The following SYNE1 variants were observed in gnomAD, a reference collection of about 807,000 sequenced individuals.
SYNE1 encodes spectrin repeat containing nuclear envelope protein 1.
Under a neutral mutation model 1,111.0 loss-of-function variants are expected in SYNE1, and 616 were observed. That is an observed-to-expected ratio of 0.55 (90% CI 0.52 to 0.59). The LOEUF (loss-of-function observed/expected upper bound fraction) is 0.59, where lower values mean the gene tolerates loss of function less well. Among genes scored for constraint, SYNE1 ranks in the 20% least tolerant of loss-of-function variants. The probability of loss-of-function intolerance (pLI) is 0.00; values close to 1 mark genes in which losing one functional copy is unlikely to be tolerated. For synonymous variants in SYNE1, 3,855 were observed against 3,825.8 expected (o/e 1.01, Z -0.28); for missense variants, 10,006 against 10,417.0 (o/e 0.96, Z 1.72).
At chr6:152,366,669 C>T (rs1208803228) in intron 62 of SYNE1, among the ~76,000 whole-genome samples, 3 of 152,144 alleles carry the variant, frequency 2.0e-5, no homozygotes, top group Non-Finnish European at 4.4e-5. Context: ...TATATTTCGA[C>T]CTCCAACTTC....
intron 4 of SYNE1, among the ~76,000 whole-genome samples, chr6:152,529,657 G>A (rs76377890): frequency 6.6e-6 from 1 of 152,166 alleles, no homozygotes; most frequent in Admixed American, 6.5e-5. Context: ...AAAGCAAAAA[G>A]ACACATGTAG....
Position 152,407,463 on chromosome 6 carries a change from T to C in SYNE1, c.6541-267A>G, listed in dbSNP as rs554460914. 2.6e-5 allele frequency among the ~76,000 whole-genome samples: 4 copies of C among 152,300 alleles called. No homozygotes were observed. In the South Asian group the frequency reaches 8.3e-4, roughly 32 times the overall value. On this transcript the variant is annotated intron_variant, in intron 44 of 145. Coordinates refer to ENST00000367255, the MANE Select transcript of SYNE1 (RefSeq NM_182961.4). ...TGGGATACTAACAACAACAGGTCCA[T>C]TGGAATCTACTATAACTCAATATAA...
chr6:152,579,444 G>A (rs1465475519), intron 3 of SYNE1, among the ~76,000 whole-genome samples: 1 of 152,236 alleles, frequency 6.6e-6, no homozygotes, highest in Non-Finnish European at 1.5e-5. Flanking sequence ...ACTGCCAGAT[G>A]TATTAAGAGA....
At chr6:152,592,578 G>A (rs923840642) in intron 3 of SYNE1, among the ~76,000 whole-genome samples, 2 of 152,176 alleles carry the variant, frequency 1.3e-5, no homozygotes, top group Non-Finnish European at 2.9e-5. Context: ...GTGGAGGGAG[G>A]AAGTGAGTTA....
intron 53 of SYNE1, among the ~76,000 whole-genome samples, 175 bp from the exon 54 acceptor site, chr6:152,387,556 A>T (rs536321308): frequency 6.6e-6 from 1 of 152,332 alleles, no homozygotes; most frequent in African/African-American, 2.4e-5. Context: ...TAAGATCCTT[A>T]CCACAGGTCC....
chr6:152,380,878 G>T, intron 56 of SYNE1, 128 bp downstream of exon 56: 3 of 896,210 alleles, frequency 3.3e-6, no homozygotes, highest in Non-Finnish European at 5.5e-6. Flanking sequence ...TATTTAATGA[G>T]ATAAATACTT....
intron 145 of SYNE1, chr6:152,125,722 T>G (rs2053166561): frequency 5.8e-6 from 1 of 173,258 alleles, no homozygotes; most frequent in Non-Finnish European, 1.2e-5. Context: ...AGAACTTTAG[T>G]GATGGGAAGA....
intron 14 of SYNE1, among the ~76,000 whole-genome samples, chr6:152,476,987 A>C (rs1425067023): frequency 6.6e-6 from 1 of 152,252 alleles, no homozygotes; most frequent in Non-Finnish European, 1.5e-5. Flanking sequence ...CAGTTCAAAG[A>C]AACAATATTG....
chr6:152,305,110 C>T (rs908283323), intron 91 of SYNE1, among the ~76,000 whole-genome samples: 3 of 151,938 alleles, frequency 2.0e-5, no homozygotes, highest in African/African-American at 4.8e-5. Flanking sequence ...GTAGAGTGGC[C>T]GCTAGAAGAC....
chr6:152,239,630 T>A lies in SYNE1; in HGVS notation c.19970A>T (p.Gln6657Leu). The A allele has an allele frequency of 1.2e-6, 2 of 1,614,232 alleles. No homozygotes were observed. Residue 6657 changes from glutamine (Q) to leucine (L), a missense_variant, in exon 108 of 146, where the codon CAA (glutamine) becomes CTA (leucine). By Grantham distance (113) the Gln-to-Leu change is moderately radical. This residue lies in a region of SYNE1 where 2,182 missense variants were observed against 2,287.8 expected (regional missense o/e 0.95). Coordinates refer to ENST00000367255, the MANE Select transcript of SYNE1 (RefSeq NM_182961.4). ...CTCTGTATGGAACTGGGTTTCCTTT[T>A]GGACTGCAAAGCTGATTATCTTTCT... ...LFRKIISFAV[Q>L]KETQFHTELM...
Position 152,455,439 on chromosome 6 carries a change from A to G in SYNE1, c.2879T>C (p.Leu960Pro). 1 of 1,614,014 alleles carries G rather than the reference A, an allele frequency of 6.2e-7. No homozygotes were observed. Among genetic ancestry groups the G allele is most frequent in the South Asian group, 1.1e-5 (1 of 91,072 alleles). ...GGGTGGACTCACAGTGTGTCTCCGC[A>G]GGAGCTCCTCTGGATCCCCCTTTTC... The part of the protein sequence containing the change: ...LEEKGDPEEL[L>P]RRHTEFFSQL... The change falls in exon 24 of 146, where the codon CTG becomes CCG. Residue 960 changes from leucine (L) to proline (P), a missense_variant. This residue lies in a region of SYNE1 where 1,971 missense variants were observed against 2,084.1 expected (regional missense o/e 0.95). Transcript: ENST00000367255.
intron 12 of SYNE1, among the ~76,000 whole-genome samples, chr6:152,487,541 T>A (rs1223291532): frequency 6.6e-6 from 1 of 152,080 alleles, no homozygotes; most frequent in Non-Finnish European, 1.5e-5. Context: ...GAAGTGAAAA[T>A]CAGAAGCAGA....
intron 61 of SYNE1, chr6:152,367,588 A>T (rs2097103672): frequency 1.6e-6 from 1 of 613,450 alleles, no homozygotes; most frequent in Admixed American, 2.8e-5. Flanking sequence ...GCAAAAAAAA[A>T]AGTTACAATT....
rs753099490 is a variant in SYNE1 at position 152,498,733 on chromosome 6, A to C, written c.939+9T>G. 1.3e-6 allele frequency: 2 copies of C among 1,547,390 alleles called. No homozygotes were observed. The highest frequency in any genetic ancestry group is 2.4e-5 in the South Asian group (2 of 81,976). ...AGAGGTCATCAATGCAAGATTACTT[A>C]AATCTTACCTTAAAATTTTGTACAG... On this transcript the variant is annotated intron_variant, in intron 11 of 145. Transcript: ENST00000367255.
At chr6:152,133,848 C>A (rs150737460) in intron 142 of SYNE1, 1 of 230,198 alleles carries the variant, frequency 4.3e-6, no homozygotes, top group Non-Finnish European at 8.7e-6. Flanking sequence ...TTAAATATAG[C>A]GAAGCAGAAG....
rs1033772529 is a variant in SYNE1, at chr6:152,451,600, A to C, written c.3028-395T>G. On this transcript the variant is annotated intron_variant, in intron 25 of 145. Transcript: ENST00000367255. ...TGGGTTCAAGCGATTCTCCTGTCTC[A>C]GCCTCCTGAGTAGCTGGGACTACAG... Among the ~76,000 whole-genome samples, 7 of 147,940 alleles carry C rather than the reference A, an allele frequency of 4.7e-5. No homozygotes were observed. In the East Asian group the frequency reaches 1.4e-3, roughly 30 times the overall value.
intron 131 of SYNE1, among the ~76,000 whole-genome samples, chr6:152,159,486 T>G (rs1056299261): frequency 2.0e-5 from 3 of 152,216 alleles, no homozygotes; most frequent in Non-Finnish European, 4.4e-5. Context: ...TTTAATGTAG[T>G]AAAAAGTAAA....
intron 4 of SYNE1, among the ~76,000 whole-genome samples, chr6:152,536,435 CTATA>C (rs1223288590): frequency 1.6e-5 from 2 of 125,288 alleles, no homozygotes; most frequent in Non-Finnish European, 3.3e-5. Flanking sequence ...ATATATATAA[CTATA>C]TATAGTAATA....
intron 58 of SYNE1, among the ~76,000 whole-genome samples, chr6:152,374,943 T>C (rs985457245): frequency 6.6e-6 from 1 of 151,852 alleles, no homozygotes; most frequent in African/African-American, 2.4e-5. Context: ...TTATTTTATT[T>C]TATTTTATTA....
Sources: gnomAD v4.1 joint callset for allele counts (sites outside exome capture counted in the v4.1 genomes callset) on GRCh38, gnomAD v4.1.1 for gene constraint, gnomAD v4.1.1 regional missense constraint, MANE v1.5 for transcripts, NCBI Gene and HGNC (gene_info 2026-07-23, HGNC 2026-07-21) for gene names.